ZNF329: variants seen among roughly 807,000 people sequenced by gnomAD.
The protein encoded by ZNF329 is zinc finger protein 329.
ZNF329 carries 15 observed loss-of-function variants against 26.6 expected under a neutral mutation model. That is an observed-to-expected ratio of 0.56 (90% confidence interval 0.38 to 0.87). The LOEUF is 0.87. ZNF329 is among the 40% of genes least tolerant of loss of function. The pLI, the probability that ZNF329 is intolerant of heterozygous loss-of-function variation, is 0.00. For missense variants in ZNF329, 651 were observed against 651.9 expected, an observed-to-expected ratio of 1.00 and a Z score of 0.02; for synonymous variants, 239 against 233.5, an observed-to-expected ratio of 1.02 and a Z score of -0.21.
chr19:58,151,454 A>G (rs2075450939), upstream of ZNF329, among the ~76,000 whole-genome samples: 2 of 151,944 alleles, frequency 1.3e-5, no homozygotes, highest in Admixed American at 1.3e-4. Context: ...TACAAAAATT[A>G]GCTAGGCGTG....
At chr19:58,151,595 TC>T (rs1313484854), upstream of ZNF329, among the ~76,000 whole-genome samples, 1 of 133,352 alleles carries the variant, frequency 7.5e-6, no homozygotes, top group Admixed American at 8.1e-5. Context: ...GAGGGAGACT[TC>T]GTCTCAAAAA....
chr19:58,146,949 G>T (rs2075325525), intron 1 of ZNF329, among the ~76,000 whole-genome samples: 1 of 152,112 alleles, frequency 6.6e-6, no homozygotes, highest in African/African-American at 2.4e-5. Context: ...AGTGCCGAGA[G>T]TGCAGCCTCT....
At position 58,126,626 on chromosome 19, in the gene ZNF329, G is replaced by A. The variant is rs554090792; in HGVS notation, c.*1252C>T. ...AAGCAACAAACCACATCTGTTAGAA[G>A]CAGCCCTTTCCATCTTAGCACAAGC... On this transcript the variant is annotated 3_prime_UTR_variant, in exon 4 of 4. Transcript: ENST00000598312. The A allele has an allele frequency of 2.6e-5, 4 of 152,146 alleles. No individual in the cohort carries two copies. The highest frequency in any genetic ancestry group is 5.9e-5 in the Non-Finnish European group (4 of 68,020). The allele number at this position is 152,146 out of a possible 1,614,324, so 9.4% of individuals were successfully genotyped here.
rs745352987 is a variant in ZNF329, at chr19:58,129,215, T to C, written c.289A>G (p.Asn97Asp). 3.1e-6 allele frequency: 5 copies of C among 1,614,038 alleles called. No individual in the cohort carries two copies. Among genetic ancestry groups the C allele is most frequent in the Non-Finnish European group, 4.2e-6 (5 of 1,180,024 alleles). ...GGGTCACAATCCAGACCACTAACATTTGAGTCAGGTGCATGGAAACCATTT... is the reference window on the plus strand; with the variant it reads ...GGGTCACAATCCAGACCACTAACATCTGAGTCAGGTGCATGGAAACCATTT... ...ATNGFHAPDS[N>D]VSGLDCDPAL... The change falls in exon 4 of 4, where the codon AAT becomes GAT. Residue 97 changes from asparagine to aspartate, a missense_variant. Transcript: ENST00000598312.
chr19:58,127,900 C>G lies in ZNF329; in HGVS notation c.1604G>C (p.Gly535Ala). The G allele has an allele frequency of 6.3e-7, 1 of 1,599,986 alleles. No homozygotes were observed. The highest frequency in any genetic ancestry group is 8.5e-7 in the Non-Finnish European group (1 of 1,172,656). ...CCATTATGTTTCCATGGGTTGCTCT[C>G]CCAGGTGTGCTCTTTGATGTCGAAC... ...SLVRHQRAHL[G>A]EQPMET The change falls in exon 4 of 4, where the codon GGA (glycine) becomes GCA (alanine). Residue 535 changes from glycine to alanine, a missense_variant. Coordinates refer to ENST00000598312, the MANE Select transcript of ZNF329 (RefSeq NM_024620.4).
At chr19:58,144,352 A>C (rs936344247) in intron 1 of ZNF329, among the ~76,000 whole-genome samples, 1 of 132,380 alleles carries the variant, frequency 7.6e-6, no homozygotes, top group South Asian at 2.4e-4. Context: ...TTTTACATCT[A>C]TATCTATCTA....
chr19:58,141,765 C>A lies in ZNF329; in HGVS notation c.-9+792G>T, dbSNP rs562170013. The stretch of plus-strand genomic sequence containing the variant: ...AAAATTAGCCAGGCATGGTGGCATG[C>A]ACCTGTAGTCCCAGCTACTCGGAAG... On this transcript the variant is annotated intron_variant, in intron 3 of 3. Coordinates refer to ENST00000598312, the MANE Select transcript of ZNF329 (RefSeq NM_024620.4). 5.9e-5 allele frequency among the ~76,000 whole-genome samples: 9 copies of A among 152,176 alleles called. No individual in the cohort carries two copies. In the East Asian group the frequency reaches 1.8e-3, roughly 30 times the overall value.
intron 3 of ZNF329, among the ~76,000 whole-genome samples, chr19:58,141,330 G>C (rs1038762950): frequency 1.0e-4 from 15 of 149,976 alleles, no homozygotes; most frequent in Non-Finnish European, 1.6e-4. Flanking sequence ...ACAGAGTCTC[G>C]CTGTGTTGCC....
chr19:58,129,380 T>G lies in ZNF329; in HGVS notation c.124A>C (p.Asn42His), dbSNP rs151088759. The G allele has an allele frequency of 2.1e-4, 341 of 1,614,212 alleles. No individual in the cohort carries two copies. Among genetic ancestry groups the G allele is most frequent in the Middle Eastern group, 6.6e-4 (4 of 6,062 alleles). Residue 42 changes from asparagine (N) to histidine (H), a missense_variant, in exon 4 of 4, where the codon AAC becomes CAC. Coordinates refer to ENST00000598312, the MANE Select transcript of ZNF329 (RefSeq NM_024620.4). ...SSLGDGWDCENQEGHLRQSAL... is the reference protein window; with the variant it reads ...SSLGDGWDCEHQEGHLRQSAL... ...GATTGCCTCAAGTGTCCCTCCTGGT[T>G]CTCACAGTCCCAACCATCACCTAAA...
chr19:58,143,436 C>A (rs1217102725), intron 1 of ZNF329, among the ~76,000 whole-genome samples: 1 of 152,102 alleles, frequency 6.6e-6, no homozygotes, highest in Admixed American at 6.6e-5. Context: ...AAAATTCACA[C>A]TGAAGAAGAC....
chr19:58,144,126 TGA>T (rs1322468304), intron 1 of ZNF329, among the ~76,000 whole-genome samples: 2 of 152,098 alleles, frequency 1.3e-5, no homozygotes, highest in Non-Finnish European at 2.9e-5. Flanking sequence ...AGAATATCTT[TGA>T]GTTATCAGAG....
At chr19:58,134,145 G>C (rs1272083015) in intron 3 of ZNF329, among the ~76,000 whole-genome samples, 1 of 152,206 alleles carries the variant, frequency 6.6e-6, no homozygotes, top group Non-Finnish European at 1.5e-5. Flanking sequence ...AGATGATTTT[G>C]GTTGTCAGTC....
intron 1 of ZNF329, among the ~76,000 whole-genome samples, chr19:58,150,549 G>A (rs1183123086): frequency 2.0e-5 from 3 of 152,326 alleles, no homozygotes; most frequent in Admixed American, 6.5e-5. Flanking sequence ...CAATCGCCAC[G>A]GAGCGTCCCC....
chr19:58,155,085 C>T (rs982724555), upstream of ZNF329: 5 of 152,384 alleles, frequency 3.3e-5, no homozygotes, highest in Non-Finnish European at 1.5e-5. Context: ...CCCGCCAAGG[C>T]GGACGCCGGA....
At chr19:58,140,538 G>T (rs192780612) in intron 3 of ZNF329, among the ~76,000 whole-genome samples, 1 of 150,756 alleles carries the variant, frequency 6.6e-6, no homozygotes, top group East Asian at 2.0e-4. Context: ...TCAGCCTCCC[G>T]AGTAGCTGGG....
chr19:58,128,022 CT>C lies in ZNF329; in HGVS notation c.1481del (p.Gln494ArgfsTer70), dbSNP rs1302597629. 3.1e-6 allele frequency: 5 copies of C among 1,614,040 alleles called. No individual in the cohort carries two copies. The highest frequency in any genetic ancestry group is 3.4e-6 in the Non-Finnish European group (4 of 1,180,016). ...QCPECGKSFK[Q>X]NSHLAVHQRL... The stretch of plus-strand genomic sequence containing the variant: ...TCTGATGTACTGCCAGGTGAGAGTT[CT>C]GCTTGAAGGACTTCCCACATTCTGG... On this transcript the variant is annotated frameshift_variant, in exon 4 of 4. Transcript: ENST00000598312. LOFTEE classifies it low-confidence loss of function (END_TRUNC).
intron 3 of ZNF329, among the ~76,000 whole-genome samples, chr19:58,131,214 C>T (rs922628147): frequency 2.0e-5 from 3 of 151,808 alleles, no homozygotes; most frequent in African/African-American, 7.3e-5. Context: ...AGTATGCCTT[C>T]ATAAGTGTGG....
Position 58,128,383 on chromosome 19 carries a change from G to A in ZNF329, c.1121C>T (p.Ala374Val), listed in dbSNP as rs778476234. ...THTGEKPFECAECGKSFNRNS... is the reference protein window; with the variant it reads ...THTGEKPFECVECGKSFNRNS... Reference sequence around the variant, plus strand: ...TCTGTTGAAGGATTTCCCGCACTCTGCACACTCAAAGGGCTTTTCTCCAGT... The same window carrying A: ...TCTGTTGAAGGATTTCCCGCACTCTACACACTCAAAGGGCTTTTCTCCAGT... The change falls in exon 4 of 4, where the codon GCA (alanine) becomes GTA (valine). Residue 374 changes from alanine to valine, a missense_variant. Coordinates refer to ENST00000598312, the MANE Select transcript of ZNF329 (RefSeq NM_024620.4). 3 of 1,614,018 alleles carry A rather than the reference G, an allele frequency of 1.9e-6. No homozygotes were observed. The highest frequency in any genetic ancestry group is 1.3e-5 in the African/African-American group (1 of 74,988).
chr19:58,150,530 G>C (rs1029894267), intron 1 of ZNF329, among the ~76,000 whole-genome samples: 1 of 152,252 alleles, frequency 6.6e-6, no homozygotes, highest in Non-Finnish European at 1.5e-5. Context: ...GTCCTCAGAG[G>C]AGTGACCCCA....
Sources: gnomAD v4.1 joint callset for allele counts (sites outside exome capture counted in the v4.1 genomes callset) on GRCh38, gnomAD v4.1.1 for gene constraint, MANE v1.5 for transcripts, NCBI Gene and HGNC (gene_info 2026-07-23, HGNC 2026-07-21) for gene names.